SLC25A48: variants seen among roughly 807,000 people sequenced by gnomAD.
The protein encoded by SLC25A48 is solute carrier family 25 member 48, also known as CTC-321K16.1.
Under a neutral mutation model 32.2 loss-of-function variants are expected in SLC25A48, and 29 were observed. The observed-to-expected ratio is 0.90, with a 90% CI of 0.67 to 1.23. SLC25A48 has a LOEUF of 1.23. Ranked by LOEUF, SLC25A48 falls within the 50% of genes most tolerant of loss-of-function variation. The probability of loss-of-function intolerance (pLI) is 0.00; values close to 1 mark genes in which losing one functional copy is unlikely to be tolerated. For missense variants in SLC25A48, 399 were observed against 422.7 expected, an observed-to-expected ratio of 0.94 and a Z score of 0.49; for synonymous variants, 164 against 172.3, an observed-to-expected ratio of 0.95 and a Z score of 0.38.
chr5:135,821,832 C>T (rs1757895029), intron 4 of SLC25A48: 1 of 152,304 alleles, frequency 6.6e-6, no homozygotes, highest in East Asian at 1.9e-4. Context: ...AGAGGCCTGC[C>T]GAGGGAGGCT....
At chr5:135,600,306 A>T (rs947121341) in intron 1 of SLC25A48, among the ~76,000 whole-genome samples, 1 of 152,214 alleles carries the variant, frequency 6.6e-6, no homozygotes, top group African/African-American at 2.4e-5. Flanking sequence ...TCATCCCTAC[A>T]TTCTCGGCTG....
chr5:135,794,060 C>T (rs1429942118), intron 3 of SLC25A48, among the ~76,000 whole-genome samples: 1 of 151,814 alleles, frequency 6.6e-6, no homozygotes, highest in Non-Finnish European at 1.5e-5. Flanking sequence ...GATTTGTACA[C>T]CTCCCTTGTA....
rs532880585 is a variant in SLC25A48, at chr5:135,686,742, G to C, written c.-521+51786G>C. Among the ~76,000 whole-genome samples the C allele has an allele frequency of 2.6e-5, 4 of 152,210 alleles. No individual in the cohort carries two copies. The East Asian group carries it at 7.7e-4, about 29-fold the overall frequency. Reference sequence around the variant, plus strand: ...ATAGAAGAATGAATGAATGGAAAAAGGGAAGGAAGGATGGGAAGGGATGGA... The same window carrying C: ...ATAGAAGAATGAATGAATGGAAAAACGGAAGGAAGGATGGGAAGGGATGGA... On this transcript the variant is annotated intron_variant, in intron 3 of 10. Transcript: ENST00000646290.
intron 3 of SLC25A48, among the ~76,000 whole-genome samples, chr5:135,700,371 C>CAAAAAAAAAAAA (rs34125451): frequency 4.4e-5 from 3 of 67,958 alleles, no homozygotes; most frequent in Admixed American, 2.1e-4. Flanking sequence ...GACTCTGTCT[C>CAAAAAAAAAAAA]AAAAAAAAAA....
intron 6 of SLC25A48, among the ~76,000 whole-genome samples, chr5:135,878,285 T>C (rs1385087671): frequency 6.6e-6 from 1 of 152,106 alleles, no homozygotes; most frequent in Non-Finnish European, 1.5e-5. Context: ...CCTGGCTGCC[T>C]CCGCCTTGCA....
chr5:135,880,270 GC>G, intron 7 of SLC25A48, 173 bp downstream of exon 7: 1 of 948,874 alleles, frequency 1.1e-6, no homozygotes, highest in Non-Finnish European at 1.5e-6. Context: ...GTTCAGAAAT[GC>G]CCACCAGTGA....
Position 135,758,685 on chromosome 5 carries a change from T to C in SLC25A48, c.-520-53838T>C, listed in dbSNP as rs554817191. 1.9e-3 allele frequency among the ~76,000 whole-genome samples: 289 copies of C among 150,892 alleles called. 1 individual carries two copies. The highest frequency in any genetic ancestry group is 6.5e-3 in the African/African-American group (269 of 41,532). ...ACTATGATATTAATAGAATATCATC[T>C]ATGCTATGAATAATACCTAGTGTTA... On this transcript the variant is annotated intron_variant, in intron 3 of 10. Coordinates refer to the SLC25A48 transcript ENST00000646290.
chr5:135,797,867 G>A (rs971574949), intron 3 of SLC25A48, among the ~76,000 whole-genome samples: 2 of 151,574 alleles, frequency 1.3e-5, no homozygotes, highest in African/African-American at 4.8e-5. Context: ...CGCAAAAGGT[G>A]TACACCCCTT....
At chr5:135,824,951 C>G (rs977126533) in intron 4 of SLC25A48, 1 of 152,284 alleles carries the variant, frequency 6.6e-6, no homozygotes, top group African/African-American at 2.4e-5. Context: ...GCCCTTGGAG[C>G]AAGGTGTCAC....
In SLC25A48 at chr5:135,736,394, T is replaced by C. The variant is rs944540293; in HGVS notation, c.-520-76129T>C. Among the ~76,000 whole-genome samples, 6 of 152,132 alleles carry C rather than the reference T, an allele frequency of 3.9e-5. No individual in the cohort carries two copies. In the East Asian group the frequency reaches 1.2e-3, roughly 29 times the overall value. ...GTGTTGCAGAAGAAAATAAGGCATT[T>C]AGGTTTTAGGTCAGGTGTGAGTTGA... On this transcript the variant is annotated intron_variant, in intron 3 of 10. Transcript: ENST00000646290.
intron 1 of SLC25A48, among the ~76,000 whole-genome samples, chr5:135,618,032 T>C (rs1752228837): frequency 6.6e-6 from 1 of 152,082 alleles, no homozygotes; most frequent in Non-Finnish European, 1.5e-5. Flanking sequence ...GCCCAAGTAT[T>C]ATTGTATTGA....
At position 135,666,562 on chromosome 5, in the gene SLC25A48, C is replaced by T. The variant is rs143080133; in HGVS notation, c.-521+31606C>T. Among the ~76,000 whole-genome samples the T allele has an allele frequency of 2.1e-3, 323 of 152,144 alleles. 2 individuals are homozygous for T. The highest frequency in any genetic ancestry group is 7.4e-3 in the African/African-American group (308 of 41,504). ...AGAAACAGGGACCAACTTATAGCCA[C>T]GGCTGAAAACTAGGGCCCTCACTCT... On this transcript the variant is annotated intron_variant, in intron 3 of 10. Coordinates refer to the SLC25A48 transcript ENST00000646290.
intron 6 of SLC25A48, chr5:135,875,138 G>GTTTTTTT (rs1761948927): frequency 6.4e-6 from 1 of 155,342 alleles, no homozygotes. Flanking sequence ...GTATTACCCT[G>GTTTTTTT]GAGCTCTGAG....
chr5:135,842,591 G>A, intron 2 of SLC25A48, 132 bp downstream of exon 2: 1 of 902,760 alleles, frequency 1.1e-6, no homozygotes, highest in Non-Finnish European at 1.7e-6. Context: ...GCCAGTCCAG[G>A]GGGTGTTGGG....
intron 2 of SLC25A48, among the ~76,000 whole-genome samples, chr5:135,849,238 T>C (rs1299598864): frequency 6.6e-6 from 1 of 152,198 alleles, no homozygotes; most frequent in Non-Finnish European, 1.5e-5. Context: ...TGTGAAGAGC[T>C]AGCCTGCTTT....
chr5:135,853,605 C>T (rs1474809928), intron 4 of SLC25A48, among the ~76,000 whole-genome samples: 5 of 152,230 alleles, frequency 3.3e-5, no homozygotes, highest in Non-Finnish European at 7.3e-5. Flanking sequence ...TCAGCCCCAT[C>T]TTCAGCCTCT....
At chr5:135,686,958 T>C (rs199632188) in intron 3 of SLC25A48, among the ~76,000 whole-genome samples, 1 of 151,902 alleles carries the variant, frequency 6.6e-6, no homozygotes, top group Non-Finnish European at 1.5e-5. Context: ...TTTTTTTTTT[T>C]CCACAGAGAA....
chr5:135,794,595 A>AT (rs1757118628), intron 3 of SLC25A48, among the ~76,000 whole-genome samples: 1 of 146,792 alleles, frequency 6.8e-6, no homozygotes, highest in Non-Finnish European at 1.5e-5. Flanking sequence ...CCCCATGTGA[A>AT]ATTGTTCCTT....
At chr5:135,832,200 G>T (rs1163202415), upstream of SLC25A48, among the ~76,000 whole-genome samples, 1 of 152,170 alleles carries the variant, frequency 6.6e-6, no homozygotes, top group Non-Finnish European at 1.5e-5. Context: ...GGGGTTATAC[G>T]CTGAGAGATG....
Sources: allele counts gnomAD v4.1 joint callset (sites outside exome capture counted in the v4.1 genomes callset), GRCh38; gene constraint gnomAD v4.1.1; transcripts MANE v1.5; gene names NCBI Gene and HGNC (gene_info 2026-07-23, HGNC 2026-07-21).